The following RBFOX3 variants were observed in gnomAD, a reference collection of about 807,000 sequenced individuals.
The protein encoded by RBFOX3 is RNA binding protein fox-1 homolog 3.
A neutral mutation model predicts 48.7 loss-of-function variants in RBFOX3; 17 were observed. The ratio of observed to expected loss-of-function variants is 0.35; its 90% CI spans 0.24 to 0.52. The LOEUF (loss-of-function observed/expected upper bound fraction) is 0.52, where lower values mean the gene tolerates loss of function less well. RBFOX3 is among the 20% of genes least tolerant of loss of function. The pLI, the probability that RBFOX3 is intolerant of heterozygous loss-of-function variation, is 0.94. For synonymous variants in RBFOX3, 212 were observed against 209.5 expected, an observed-to-expected ratio of 1.01 and a Z score of -0.10; for missense variants, 382 against 497.5, an observed-to-expected ratio of 0.77 and a Z score of 2.21.
intron 9 of RBFOX3, chr17:79,098,101 CT>C (rs2075739553): frequency 3.8e-6 from 1 of 261,892 alleles, no homozygotes; most frequent in South Asian, 5.9e-5. Flanking sequence ...ATCTACCCCC[CT>C]GAGCACAGCT....
intron 4 of RBFOX3, among the ~76,000 whole-genome samples, chr17:79,147,639 G>C (rs940042740): frequency 6.6e-6 from 1 of 152,208 alleles, no homozygotes; most frequent in Non-Finnish European, 1.5e-5. Context: ...CAGGTAGTTG[G>C]CAAGACCCCA....
At position 79,590,783 on chromosome 17, in the gene RBFOX3, G is replaced by A. The variant is rs1023087313; in HGVS notation, c.-320+20043C>T. ...CAGATGGCCCCTTTCTCACCAGAAC[G>A]AAAAGGAGAAAGCAAGGACATCAGC... On this transcript the variant is annotated intron_variant, in intron 1 of 14. Transcript: ENST00000693108. Among the ~76,000 whole-genome samples, 1,782 of 152,258 alleles carry A rather than the reference G, an allele frequency of 0.012. 101 individuals carry two copies. In the East Asian group the frequency reaches 0.15, roughly 12 times the overall value.
intron 2 of RBFOX3, among the ~76,000 whole-genome samples, chr17:79,403,628 TG>T: frequency 6.6e-6 from 1 of 152,316 alleles, no homozygotes; most frequent in East Asian, 1.9e-4. Context: ...GGAAAGTCCC[TG>T]GTGGCTTTCC....
chr17:79,545,104 C>T (rs2090237917), intron 1 of RBFOX3, among the ~76,000 whole-genome samples: 1 of 152,104 alleles, frequency 6.6e-6, no homozygotes, highest in African/African-American at 2.4e-5. Context: ...GCAGACGGGG[C>T]CGCTCTACCT....
At chr17:79,485,746 C>T (rs1188646739) in intron 1 of RBFOX3, among the ~76,000 whole-genome samples, 1 of 152,256 alleles carries the variant, frequency 6.6e-6, no homozygotes, top group Non-Finnish European at 1.5e-5. Flanking sequence ...GTCCGGAGGG[C>T]AGGGATCAGC....
At chr17:79,651,434 AT>A in the RBFOX3 span, among the ~76,000 whole-genome samples, 1 of 152,104 alleles carries the variant, frequency 6.6e-6, no homozygotes, top group Non-Finnish European at 1.5e-5. Flanking sequence ...AGACTCCAAA[AT>A]GGCTGCCTTC....
At position 79,471,913 on chromosome 17, in the gene RBFOX3, G is replaced by A. The variant is rs1555757260; in HGVS notation, c.-175+10541C>T. Among the ~76,000 whole-genome samples the A allele has an allele frequency of 6.6e-5, 10 of 152,268 alleles. No homozygotes were observed. Among genetic ancestry groups the A allele is most frequent in the South Asian group, 2.1e-4 (1 of 4,824 alleles). On this transcript the variant is annotated intron_variant, in intron 2 of 14. Transcript: ENST00000693108. The surrounding 1 kb of genome is among the most constrained non-coding windows in gnomAD (Gnocchi z 4.0). ...CCACCAAGCACATTATATCAAATACGCCTCAGGAAAACCCTTTATGGAAAC... is the reference window on the plus strand; with the variant it reads ...CCACCAAGCACATTATATCAAATACACCTCAGGAAAACCCTTTATGGAAAC...
At chr17:79,435,958 C>T (rs575307427) in intron 2 of RBFOX3, among the ~76,000 whole-genome samples, 1 of 152,340 alleles carries the variant, frequency 6.6e-6, no homozygotes, top group South Asian at 2.1e-4. Flanking sequence ...GAATCACAGA[C>T]TGCATTCCAA....
intron 2 of RBFOX3, among the ~76,000 whole-genome samples, chr17:79,416,024 C>A (rs1014609480): frequency 6.6e-6 from 1 of 152,188 alleles, no homozygotes; most frequent in Non-Finnish European, 1.5e-5. Context: ...GCCATGCCTG[C>A]GCTGCCTCCT....
chr17:79,410,248 T>C (rs544447820), intron 2 of RBFOX3, among the ~76,000 whole-genome samples: 22 of 152,292 alleles, frequency 1.4e-4, no homozygotes, highest in Middle Eastern at 6.8e-3. Flanking sequence ...CTCTGGGACA[T>C]AGGTTCTCCC....
intron 4 of RBFOX3, among the ~76,000 whole-genome samples, chr17:79,217,249 A>T (rs2606189): frequency 1.3e-5 from 2 of 152,128 alleles, no homozygotes; most frequent in Non-Finnish European, 2.9e-5. Context: ...CAGCTTTAAA[A>T]TGGGAGCAAC....
chr17:79,572,724 G>GCGTGTTT (rs2092721741), intron 1 of RBFOX3, among the ~76,000 whole-genome samples: 13 of 152,224 alleles, frequency 8.5e-5, no homozygotes. Context: ...TTGCAAACGT[G>GCGTGTTT]CGTGTTTCCC....
intron 2 of RBFOX3, among the ~76,000 whole-genome samples, chr17:79,342,603 A>C (rs1436534946): frequency 6.6e-6 from 1 of 152,210 alleles, no homozygotes; most frequent in African/African-American, 2.4e-5. Flanking sequence ...CCAGTGAGCG[A>C]AGTGCTTTAG....
intron 2 of RBFOX3, among the ~76,000 whole-genome samples, chr17:79,348,571 CTTTTTTTT>C (rs71358701): frequency 8.0e-4 from 60 of 75,170 alleles, no homozygotes; most frequent in African/African-American, 2.9e-3. Context: ...TTTTCTTTTC[CTTTTTTTT>C]TTTTTTTTTT....
intron 6 of RBFOX3, among the ~76,000 whole-genome samples, chr17:79,105,403 T>G (rs2077182673): frequency 6.6e-6 from 1 of 152,172 alleles, no homozygotes. Context: ...ACAGGTCCCC[T>G]GCAGGGGGCA....
chr17:79,287,611 C>T (rs933005939), intron 3 of RBFOX3, among the ~76,000 whole-genome samples: 1 of 152,152 alleles, frequency 6.6e-6, no homozygotes, highest in Non-Finnish European at 1.5e-5. Context: ...GCAGCTGGGC[C>T]AGGCCAGGGC....
At chr17:79,260,482 C>A (rs921041831) in intron 3 of RBFOX3, among the ~76,000 whole-genome samples, 1 of 152,214 alleles carries the variant, frequency 6.6e-6, no homozygotes, top group African/African-American at 2.4e-5. Flanking sequence ...GAAAGAGCCA[C>A]GAGGTGCCCA....
At chr17:79,352,310 T>G (rs561692810) in intron 2 of RBFOX3, among the ~76,000 whole-genome samples, 1 of 152,222 alleles carries the variant, frequency 6.6e-6, no homozygotes, top group South Asian at 2.1e-4. Flanking sequence ...TGTGTAGCAC[T>G]GCCCTCTTTG....
chr17:79,095,565 C>T lies in RBFOX3; in HGVS notation c.946G>A (p.Ala316Thr), dbSNP rs1440844625. The T allele has an allele frequency of 7.7e-6, 12 of 1,551,042 alleles. No individual in the cohort carries two copies. The highest frequency in any genetic ancestry group is 1.7e-4 in the Middle Eastern group (1 of 6,012). The change falls in exon 13 of 15, where the codon GCA becomes ACA. Residue 316 changes from alanine (A) to threonine (T), a missense_variant. Physicochemically the swap from Ala to Thr is moderately conservative, Grantham distance 58. This residue lies in a region of RBFOX3 where 215 missense variants were observed against 254.8 expected (regional missense o/e 0.84). Coordinates refer to ENST00000693108, the MANE Select transcript of RBFOX3 (RefSeq NM_001350451.2). ...GCGGGCTGAGCGTATCTGTAGGCTG[C>T]GTAGCCTCCCTGCAGGGTAAGTGGG... is the stretch of plus-strand genomic sequence containing the variant. Reference protein sequence around the residue: ...FYGAEIYGGYAAYRYAQPAAA... With the variant: ...FYGAEIYGGYTAYRYAQPAAA...
Sources: allele counts gnomAD v4.1 joint callset (sites outside exome capture counted in the v4.1 genomes callset), GRCh38; gene constraint gnomAD v4.1.1; regional missense constraint gnomAD v4.1.1; non-coding constraint Gnocchi (gnomAD v3.1); transcripts MANE v1.5; gene names NCBI Gene and HGNC (gene_info 2026-07-23, HGNC 2026-07-21).